Variants in DAOA observed in about 807,000 individuals in gnomAD.
DAOA encodes the protein D-amino acid oxidase regulator.
In DAOA, 15 loss-of-function variants were observed where a neutral mutation model predicts 16.4. That is an observed-to-expected ratio of 0.91 (90% CI 0.61 to 1.41). The LOEUF (loss-of-function observed/expected upper bound fraction) is 1.41, where lower values mean the gene tolerates loss of function less well. DAOA is among the 40% of genes most tolerant of loss of function. The probability of loss-of-function intolerance (pLI) is 0.00; values close to 1 mark genes in which losing one functional copy is unlikely to be tolerated. For synonymous variants in DAOA, 75 were observed against 59.1 expected (o/e 1.27, Z -1.23); for missense variants, 230 against 176.8 (o/e 1.30, Z -1.71).
rs1297076610 is a variant in DAOA, at chr13:105,476,501, GT to G, written c.281+3817del. 2.4e-4 allele frequency among the ~76,000 whole-genome samples: 17 copies of G among 71,578 alleles called. No individual in the cohort carries two copies. The East Asian group carries it at 5.3e-3, about 22-fold the overall frequency. The allele number at this position is 71,578 out of a possible 152,430, so 47.0% of individuals were successfully genotyped here. A position where few individuals can be genotyped will look rare whatever the true frequency, so the allele number is the denominator to read the frequency against. Reference sequence around the variant, plus strand: ...CACTTGTACCAAAAAACATGAATCTGTAAAAAAAAAAAAAAAAATTACATAT... The same window carrying G: ...CACTTGTACCAAAAAACATGAATCTGAAAAAAAAAAAAAAAAATTACATAT... On this transcript the variant is annotated intron_variant, in intron 4 of 5. Coordinates refer to ENST00000375936, the MANE Select transcript of DAOA (RefSeq NM_172370.5).
chr13:105,477,411 C>T (rs543683360), intron 4 of DAOA, among the ~76,000 whole-genome samples: 1 of 152,282 alleles, frequency 6.6e-6, no homozygotes, highest in South Asian at 2.1e-4. Flanking sequence ...AAATGCCAGT[C>T]ACATAAAAAT....
In DAOA at chr13:105,467,085, T is replaced by C. The variant is rs1175270496; in HGVS notation, c.77T>C (p.Ile26Thr). The change falls in exon 3 of 6, where the codon ATA (isoleucine) becomes ACA (threonine). Residue 26 changes from isoleucine (I) to threonine (T), a missense_variant. Physicochemically the swap from Ile to Thr is moderately conservative, Grantham distance 89 (BLOSUM62 -1). Transcript: ENST00000375936. Reference sequence around the variant, plus strand: ...TATACATTGGGTAAAATCTACTTCATAGGTTTTCAAAGGAGCATTCTTCTG... The same window carrying C: ...TATACATTGGGTAAAATCTACTTCACAGGTTTTCAAAGGAGCATTCTTCTG... ...SRYTLGKIYF[I>T]GFQRSILLSK... 8.1e-6 allele frequency: 13 copies of C among 1,612,058 alleles called. No individual in the cohort carries two copies. The highest frequency in any genetic ancestry group is 5.0e-5 in the Admixed American group (3 of 59,958).
chr13:105,471,347 C>T lies in DAOA; in HGVS notation c.134-1191C>T, dbSNP rs532339370. On this transcript the variant is annotated intron_variant, in intron 3 of 5. Coordinates refer to ENST00000375936, the MANE Select transcript of DAOA (RefSeq NM_172370.5). ...ATTGATCAAGGTGAAGGATATGAGT[C>T]GAATAAATGGTATAAAATTTGGACT... Among the ~76,000 whole-genome samples the T allele has an allele frequency of 1.3e-3, 195 of 149,730 alleles. 4 individuals are homozygous for T. Among genetic ancestry groups the T allele is most frequent in the African/African-American group, 4.5e-3 (182 of 40,580 alleles).
chr13:105,484,974 G>C (rs778300852), intron 4 of DAOA, among the ~76,000 whole-genome samples: 1 of 152,156 alleles, frequency 6.6e-6, no homozygotes, highest in African/African-American at 2.4e-5. Context: ...TAAAACCATC[G>C]TTTCAAATGT....
Position 105,467,144 on chromosome 13 carries a change from A to G in DAOA, c.133+3A>G, listed in dbSNP as rs72549474. 1.9e-4 allele frequency: 303 copies of G among 1,602,206 alleles called. No homozygotes were observed. Among genetic ancestry groups the G allele is most frequent in the Admixed American group, 2.9e-4 (17 of 58,864 alleles). On this transcript the variant is annotated splice_donor_region_variant and intron_variant, in intron 3 of 5. Transcript: ENST00000375936. ...TGAAAACTCTCTAAACTCTATTGGT[A>G]TGTTACTCTTTATCTTTATATGAAT...
rs925733913 is a variant in DAOA at position 105,479,568 on chromosome 13, C to G, written c.281+6883C>G. On this transcript the variant is annotated intron_variant, in intron 4 of 5. Transcript: ENST00000375936. ...GCAATGCGCCACCTTCCTTGGCTGA[C>G]AGGCACATCAGTCAATCTCTACCTC... Among the ~76,000 whole-genome samples the G allele has an allele frequency of 2.0e-5, 3 of 152,164 alleles. No individual in the cohort carries two copies. In the East Asian group the frequency reaches 5.8e-4, roughly 29 times the overall value.
chr13:105,470,914 C>T lies in DAOA; in HGVS notation c.134-1624C>T, dbSNP rs555248335. Among the ~76,000 whole-genome samples, 37 of 152,290 alleles carry T rather than the reference C, an allele frequency of 2.4e-4. No homozygotes were observed. In the South Asian group the frequency reaches 7.2e-3, roughly 30 times the overall value. On this transcript the variant is annotated intron_variant, in intron 3 of 5. Transcript: ENST00000375936. The stretch of plus-strand genomic sequence containing the variant: ...CATGCCATTCTCCTGCCTCAACCTC[C>T]CGAGTAGCTGGGACTACAGGCGCCC...
rs116755466 is a variant in DAOA, at chr13:105,487,811, C to T, written c.282-2090C>T. 5.8e-3 allele frequency among the ~76,000 whole-genome samples: 879 copies of T among 152,204 alleles called. 11 individuals carry two copies. The highest frequency in any genetic ancestry group is 0.02 in the African/African-American group (844 of 41,514). The stretch of plus-strand genomic sequence containing the variant: ...TTATAGAAAATTGATCATCAAAGTC[C>T]TGTTTCTATAATTGCCTGATATTTA... On this transcript the variant is annotated intron_variant, in intron 4 of 5. Coordinates refer to ENST00000375936, the MANE Select transcript of DAOA (RefSeq NM_172370.5).
At chr13:105,475,607 T>A (rs1033466452) in intron 4 of DAOA, among the ~76,000 whole-genome samples, 1 of 152,138 alleles carries the variant, frequency 6.6e-6, no homozygotes, top group African/African-American at 2.4e-5. Context: ...TTCCATGGCA[T>A]GCTGTAATGT....
chr13:105,467,274 G>A, intron 3 of DAOA, 133 bp downstream of exon 3: 1 of 1,029,070 alleles, frequency 9.7e-7, no homozygotes, highest in Non-Finnish European at 1.3e-6. Context: ...GATACAGGAA[G>A]AAAATTTTTC....
At position 105,467,063 on chromosome 13, in the gene DAOA, A is replaced by G; in HGVS notation, c.55A>G (p.Thr19Ala). 6.2e-7 allele frequency: 1 copy of G among 1,610,576 alleles called. No homozygotes were observed. The highest frequency in any genetic ancestry group is 8.5e-7 in the Non-Finnish European group (1 of 1,178,116). Residue 19 changes from threonine (T) to alanine (A), a missense_variant, in exon 3 of 6, where the codon ACA (threonine) becomes GCA (alanine). Physicochemically the swap from Thr to Ala is moderately conservative, Grantham distance 58. Coordinates refer to ENST00000375936, the MANE Select transcript of DAOA (RefSeq NM_172370.5). Reference sequence around the variant, plus strand: ...TTCTTTAATTTTTAGATCCAGATATACATTGGGTAAAATCTACTTCATAGG... The same window carrying G: ...TTCTTTAATTTTTAGATCCAGATATGCATTGGGTAAAATCTACTTCATAGG... ...DSLQLFRSRY[T>A]LGKIYFIGFQ...
At chr13:105,480,627 C>T (rs1877671168) in intron 4 of DAOA, among the ~76,000 whole-genome samples, 1 of 151,968 alleles carries the variant, frequency 6.6e-6, no homozygotes, top group Non-Finnish European at 1.5e-5. Flanking sequence ...TCCAGACAAG[C>T]CATCTGCAAG....
At chr13:105,477,883 A>G (rs1434708815) in intron 4 of DAOA, among the ~76,000 whole-genome samples, 1 of 152,208 alleles carries the variant, frequency 6.6e-6, no homozygotes, top group African/African-American at 2.4e-5. Context: ...GCATGATTCT[A>G]TGTCTTGAAC....
intron 4 of DAOA, among the ~76,000 whole-genome samples, chr13:105,480,152 G>T (rs1272257663): frequency 6.6e-6 from 1 of 152,056 alleles, no homozygotes; most frequent in Non-Finnish European, 1.5e-5. Flanking sequence ...CTTATAAATT[G>T]AAATAGTAAG....
In DAOA at chr13:105,466,346, G is replaced by A. The variant is rs1302526022; in HGVS notation, c.44+14G>A. On this transcript the variant is annotated intron_variant, in intron 2 of 5. Transcript: ENST00000375936. ...CCAGCTTTTCAGGTAGGTAGCTTGG[G>A]GTTTTTTACAGCATGGCGGCCTCAG... The A allele has an allele frequency of 1.6e-5, 26 of 1,613,766 alleles. No individual in the cohort carries two copies. The highest frequency in any genetic ancestry group is 2.0e-5 in the Non-Finnish European group (24 of 1,179,902).
chr13:105,485,976 C>G (rs944745390), intron 4 of DAOA, among the ~76,000 whole-genome samples: 1 of 152,146 alleles, frequency 6.6e-6, no homozygotes, highest in Non-Finnish European at 1.5e-5. Context: ...GCCTAGGAAA[C>G]AAACCCACTC....
intron 4 of DAOA, among the ~76,000 whole-genome samples, chr13:105,483,391 A>G (rs1877885154): frequency 1.3e-5 from 2 of 152,184 alleles, no homozygotes; most frequent in South Asian, 4.1e-4. Context: ...ATCTAATAGT[A>G]GTTGGATAGA....
At chr13:105,466,431 G>C in intron 2 of DAOA, 99 bp downstream of exon 2, 2 of 1,584,206 alleles carry the variant, frequency 1.3e-6, no homozygotes, top group Non-Finnish European at 1.7e-6. Flanking sequence ...CTGGAGACAG[G>C]AAGTGGAACA....
intron 4 of DAOA, among the ~76,000 whole-genome samples, chr13:105,477,709 G>A (rs1184002181): frequency 6.6e-6 from 1 of 152,174 alleles, no homozygotes; most frequent in Non-Finnish European, 1.5e-5. Flanking sequence ...GGGTGACAGA[G>A]CCAAACAACC....
Sources: gnomAD v4.1 joint callset for allele counts (sites outside exome capture counted in the v4.1 genomes callset) on GRCh38, gnomAD v4.1.1 for gene constraint, MANE v1.5 for transcripts, NCBI Gene and HGNC (gene_info 2026-07-23, HGNC 2026-07-21) for gene names.